The following ASIC2 variants were observed in gnomAD, a reference collection of about 807,000 sequenced individuals.
ASIC2 encodes acid sensing ion channel subunit 2.
A neutral mutation model predicts 57.3 loss-of-function variants in ASIC2; 25 were observed. The ratio of observed to expected loss-of-function variants is 0.44; its 90% CI spans 0.32 to 0.61. The LOEUF is 0.61. Among genes scored for constraint, ASIC2 ranks in the 20% least tolerant of loss-of-function variants. The probability of loss-of-function intolerance (pLI) is 0.06; values close to 1 mark genes in which losing one functional copy is unlikely to be tolerated. For synonymous variants in ASIC2, 319 were observed against 307.5 expected (o/e 1.04, Z -0.39); for missense variants, 641 against 738.1 (o/e 0.87, Z 1.52).
chr17:33,843,906 A>G (rs1913507513), intron 1 of ASIC2, among the ~76,000 whole-genome samples: 1 of 152,236 alleles, frequency 6.6e-6, no homozygotes, highest in African/African-American at 2.4e-5. Flanking sequence ...TTGTACAACC[A>G]ACCATTAAGC....
chr17:33,943,692 T>TA (rs3071252), intron 1 of ASIC2, among the ~76,000 whole-genome samples: 14,142 of 119,692 alleles, frequency 0.12, 874 homozygotes, highest in Middle Eastern at 0.16. Flanking sequence ...ATGATAATAG[T>TA]AAAAAAAAAA....
rs568255607 is a variant in ASIC2 at position 33,025,576 on chromosome 17, C to T, written c.1195+350G>A. On this transcript the variant is annotated intron_variant, in intron 5 of 9. Coordinates refer to ENST00000225823, the MANE Select transcript of ASIC2 (RefSeq NM_183377.2). ...AGCTCCTCTGATGCCTACCTGGCTG[C>T]CCACTGTCTATCCTCTCTCCACCTC... 4.7e-4 allele frequency among the ~76,000 whole-genome samples: 72 copies of T among 152,208 alleles called. 1 individual carries two copies. In the South Asian group the frequency reaches 0.014, roughly 29 times the overall value.
At chr17:33,397,215 T>A (rs1178771811) in intron 1 of ASIC2, among the ~76,000 whole-genome samples, 1 of 152,156 alleles carries the variant, frequency 6.6e-6, no homozygotes, top group Non-Finnish European at 1.5e-5. Context: ...CAGAGGGGAC[T>A]CCCAACCCTA....
chr17:33,909,270 T>C (rs1463342860), intron 1 of ASIC2, among the ~76,000 whole-genome samples: 1 of 152,222 alleles, frequency 6.6e-6, no homozygotes, highest in Non-Finnish European at 1.5e-5. Context: ...TCCTCTCCCG[T>C]TGTTTCTAAC....
intron 2 of ASIC2, 162 bp downstream of exon 2, chr17:33,111,755 C>G (rs1424559592): frequency 4.7e-6 from 5 of 1,055,132 alleles, no homozygotes; most frequent in Non-Finnish European, 6.5e-6. Flanking sequence ...CAGGGCATCC[C>G]AGCCCAAGCC....
At chr17:33,261,226 G>A (rs1231303094) in intron 1 of ASIC2, among the ~76,000 whole-genome samples, 1 of 152,172 alleles carries the variant, frequency 6.6e-6, no homozygotes, top group Non-Finnish European at 1.5e-5. Flanking sequence ...TTAGTTATCA[G>A]AATTTCCACC....
intron 1 of ASIC2, among the ~76,000 whole-genome samples, chr17:33,346,740 T>C (rs56328257): frequency 0.23 from 34,376 of 151,918 alleles, 4,084 homozygotes; most frequent in East Asian, 0.42. Context: ...CTAAGGGAAA[T>C]GAACATAGAT....
At chr17:33,907,460 C>T (rs904694546) in intron 1 of ASIC2, among the ~76,000 whole-genome samples, 5 of 152,154 alleles carry the variant, frequency 3.3e-5, no homozygotes, top group African/African-American at 1.2e-4. Flanking sequence ...ACTATCTCTG[C>T]TTGCTTCTCA....
chr17:33,679,839 A>G (rs1394992516), intron 1 of ASIC2, among the ~76,000 whole-genome samples: 1 of 152,144 alleles, frequency 6.6e-6, no homozygotes, highest in East Asian at 1.9e-4. Context: ...CACGGAAAAA[A>G]AACAGCGTGA....
At chr17:33,081,985 T>G (rs1261482007) in intron 3 of ASIC2, among the ~76,000 whole-genome samples, 1 of 152,132 alleles carries the variant, frequency 6.6e-6, no homozygotes, top group Non-Finnish European at 1.5e-5. Flanking sequence ...TGCAAGGTGT[T>G]GTGTGATGGT....
chr17:33,283,297 GAGCCCAC>G (rs1417343106), intron 1 of ASIC2, among the ~76,000 whole-genome samples: 1 of 151,562 alleles, frequency 6.6e-6, no homozygotes, highest in Non-Finnish European at 1.5e-5. Context: ...GGGCTTCCAG[GAGCCCAC>G]AGCCCTGTCT....
chr17:34,086,863 C>T (rs1378171346), intron 1 of ASIC2, among the ~76,000 whole-genome samples: 5 of 152,156 alleles, frequency 3.3e-5, no homozygotes, highest in Admixed American at 2.6e-4. Flanking sequence ...GACTGCAACA[C>T]CTGCCTTTTT....
chr17:33,429,316 T>C (rs1430059047), intron 1 of ASIC2, among the ~76,000 whole-genome samples: 1 of 152,218 alleles, frequency 6.6e-6, no homozygotes, highest in East Asian at 1.9e-4. Flanking sequence ...GATGAATACT[T>C]TCCTTGGGGG....
intron 1 of ASIC2, among the ~76,000 whole-genome samples, chr17:33,990,706 G>A (rs1374265241): frequency 6.6e-6 from 1 of 152,108 alleles, no homozygotes; most frequent in Admixed American, 6.5e-5. Context: ...TGGACATATA[G>A]AAAAACCAAG....
At chr17:33,931,542 C>T (rs1292963035) in intron 1 of ASIC2, among the ~76,000 whole-genome samples, 3 of 152,162 alleles carry the variant, frequency 2.0e-5, no homozygotes, top group Non-Finnish European at 4.4e-5. Context: ...GGGTGGTCTC[C>T]TCCCTTACCT....
intron 1 of ASIC2, among the ~76,000 whole-genome samples, chr17:34,059,366 T>C (rs986845373): frequency 1.3e-5 from 2 of 152,138 alleles, no homozygotes; most frequent in African/African-American, 4.8e-5. Flanking sequence ...AAGCAGCCCA[T>C]TCTTGCCTGG....
chr17:33,141,674 C>T lies in ASIC2; in HGVS notation c.709-29607G>A, dbSNP rs185653115. Among the ~76,000 whole-genome samples, 11 of 152,292 alleles carry T rather than the reference C, an allele frequency of 7.2e-5. No individual in the cohort carries two copies. The South Asian group carries it at 8.3e-4, about 11-fold the overall frequency. ...GAAGAAGGGGTTCCTAGAGGGATGG[C>T]GGTAGCTCCCAGCAGATATAATTCC... On this transcript the variant is annotated intron_variant, in intron 1 of 9. Transcript: ENST00000225823.
At chr17:34,085,420 T>C (rs1046895508) in intron 1 of ASIC2, among the ~76,000 whole-genome samples, 2 of 152,262 alleles carry the variant, frequency 1.3e-5, no homozygotes, top group African/African-American at 4.8e-5. Context: ...CTTTCTGATG[T>C]GCTGCTGGAT....
At chr17:33,804,309 A>G (rs1471897336) in intron 1 of ASIC2, among the ~76,000 whole-genome samples, 1 of 152,206 alleles carries the variant, frequency 6.6e-6, no homozygotes, top group Non-Finnish European at 1.5e-5. Flanking sequence ...AGTTGCTGAG[A>G]TGAGACAGAT....
Sources: allele counts gnomAD v4.1 joint callset (sites outside exome capture counted in the v4.1 genomes callset), GRCh38; gene constraint gnomAD v4.1.1; transcripts MANE v1.5; gene names NCBI Gene and HGNC (gene_info 2026-07-23, HGNC 2026-07-21).